Variants in CACNG3 observed in about 807,000 individuals in gnomAD.
CACNG3 encodes voltage-dependent calcium channel gamma-3 subunit.
Under a neutral mutation model 28.5 loss-of-function variants are expected in CACNG3, and 3 were observed. The observed-to-expected ratio is 0.11, with a 90% CI of 0.05 to 0.27. The LOEUF is 0.27. CACNG3 is among the 10% of genes least tolerant of loss of function. The probability of loss-of-function intolerance (pLI) is 1.00; values close to 1 mark genes in which losing one functional copy is unlikely to be tolerated. For missense variants in CACNG3, 236 were observed against 414.4 expected (o/e 0.57, Z 3.74); for synonymous variants, 174 against 162.2 (o/e 1.07, Z -0.55).
chr16:24,346,622 C>A, intron 1 of CACNG3, 112 bp from the exon 2 acceptor site: 1 of 724,902 alleles, frequency 1.4e-6, no homozygotes, highest in Non-Finnish European at 2.4e-6. Context: ...CCCAACAACC[C>A]TACAGCCCCC....
At chr16:24,348,095 T>G (rs1899893730) in intron 2 of CACNG3, among the ~76,000 whole-genome samples, 1 of 152,148 alleles carries the variant, frequency 6.6e-6, no homozygotes, top group South Asian at 2.1e-4. Context: ...GAATTTGTGT[T>G]GGATTCACTC....
chr16:24,311,678 A>C (rs1471496116), intron 1 of CACNG3, among the ~76,000 whole-genome samples: 1 of 151,928 alleles, frequency 6.6e-6, no homozygotes, highest in Non-Finnish European at 1.5e-5. Flanking sequence ...CAACCTGGTG[A>C]AACCCCATCT....
chr16:24,256,791 A>G lies in CACNG3; in HGVS notation c.37A>G (p.Thr13Ala). ...TGACAGAGGTATCCAGATGTTGATCACCACTGTAGGAGCCTTTGCCGCTTT... is the reference window on the plus strand; with the variant it reads ...TGACAGAGGTATCCAGATGTTGATCGCCACTGTAGGAGCCTTTGCCGCTTT... ...MCDRGIQMLITTVGAFAAFSL... is the reference protein window; with the variant it reads ...MCDRGIQMLIATVGAFAAFSL... Residue 13 changes from threonine (T) to alanine (A), a missense_variant, in exon 1 of 4, where the codon ACC (threonine) becomes GCC (alanine). Around this residue, in one of 2 missense-constraint regions of CACNG3, gnomAD observed 120 missense variants for 263.4 expected, o/e 0.46. Transcript: ENST00000005284. The surrounding 1 kb of genome is among the most constrained non-coding windows in gnomAD (Gnocchi z 4.6). 1 of 1,613,898 alleles carries G rather than the reference A, an allele frequency of 6.2e-7. No individual in the cohort carries two copies. The highest frequency in any genetic ancestry group is 8.5e-7 in the Non-Finnish European group (1 of 1,179,750).
chr16:24,276,133 G>A (rs748462599), intron 1 of CACNG3, among the ~76,000 whole-genome samples: 1 of 152,170 alleles, frequency 6.6e-6, no homozygotes, highest in East Asian at 1.9e-4. Flanking sequence ...CAGATCAAAT[G>A]CAAAAGCAGA....
chr16:24,346,702 C>T (rs751799107), intron 1 of CACNG3, 32 bp from the exon 2 acceptor site: 12 of 1,554,848 alleles, frequency 7.7e-6, no homozygotes, highest in Admixed American at 1.7e-5. Flanking sequence ...TGTCTCCTCC[C>T]CCAGGCTCAG....
rs577602342 is a variant in CACNG3 at position 24,275,689 on chromosome 16, T to C, written c.211+18724T>C. Among the ~76,000 whole-genome samples the C allele has an allele frequency of 2.6e-5, 4 of 152,366 alleles. No individual in the cohort carries two copies. The South Asian group carries it at 8.3e-4, about 32-fold the overall frequency. On this transcript the variant is annotated intron_variant, in intron 1 of 3. Transcript: ENST00000005284. Reference sequence around the variant, plus strand: ...CAAAGAAAGCAACTGACAGTATTTGTTGCCAAGGATAAAAATTCAAGGTTT... The same window carrying C: ...CAAAGAAAGCAACTGACAGTATTTGCTGCCAAGGATAAAAATTCAAGGTTT...
At chr16:24,324,246 T>G (rs1013573214) in intron 1 of CACNG3, among the ~76,000 whole-genome samples, 1 of 152,370 alleles carries the variant, frequency 6.6e-6, no homozygotes, top group South Asian at 2.1e-4. Flanking sequence ...GCATCTGCCT[T>G]GCTTGTATTT....
At chr16:24,283,080 A>T (rs1421850561) in intron 1 of CACNG3, among the ~76,000 whole-genome samples, 1 of 152,016 alleles carries the variant, frequency 6.6e-6, no homozygotes, top group Non-Finnish European at 1.5e-5. Flanking sequence ...GTGTTAGCCA[A>T]GATGGTCTCG....
chr16:24,306,888 T>G (rs945598316), intron 1 of CACNG3, among the ~76,000 whole-genome samples: 1 of 152,134 alleles, frequency 6.6e-6, no homozygotes, highest in African/African-American at 2.4e-5. Context: ...AGATCAAGAC[T>G]GGCCCCTTAG....
intron 1 of CACNG3, among the ~76,000 whole-genome samples, chr16:24,320,261 G>T (rs1899439145): frequency 6.6e-6 from 1 of 152,196 alleles, no homozygotes; most frequent in Admixed American, 6.5e-5. Flanking sequence ...AGGCATGAGG[G>T]TTCATTTACC....
At chr16:24,305,122 G>T (rs1419817698) in intron 1 of CACNG3, among the ~76,000 whole-genome samples, 1 of 152,058 alleles carries the variant, frequency 6.6e-6, no homozygotes, top group Admixed American at 6.6e-5. Context: ...TGGTGATGAA[G>T]TGTCAATATA....
At position 24,256,750 on chromosome 16, in the gene CACNG3, G is replaced by A. The variant is rs1898465088; in HGVS notation, c.-5G>A. ...CCCCAGCCGTCCAGAGTACCATGAA[G>A]AATTATGAGGATGTGTGACAGAGGT... On this transcript the variant is annotated 5_prime_UTR_variant, in exon 1 of 4. Transcript: ENST00000005284. The surrounding 1 kb of genome is among the most constrained non-coding windows in gnomAD (Gnocchi z 4.6). 6.2e-7 allele frequency: 1 copy of A among 1,604,268 alleles called. No homozygotes were observed. Among genetic ancestry groups the A allele is most frequent in the African/African-American group, 1.3e-5 (1 of 74,840 alleles).
chr16:24,288,427 T>C (rs553413546), intron 1 of CACNG3, among the ~76,000 whole-genome samples: 12 of 152,234 alleles, frequency 7.9e-5, no homozygotes, highest in Non-Finnish European at 1.6e-4. Flanking sequence ...ACCCAGGTTT[T>C]TCTCCTTCCT....
chr16:24,308,614 G>A (rs8055276), intron 1 of CACNG3, among the ~76,000 whole-genome samples: 2,933 of 151,998 alleles, frequency 0.019, 102 homozygotes, highest in African/African-American at 0.067. Context: ...CAGCACTTTG[G>A]GAGGCCAAGG....
At chr16:24,296,451 C>T (rs1177686735) in intron 1 of CACNG3, among the ~76,000 whole-genome samples, 1 of 152,176 alleles carries the variant, frequency 6.6e-6, no homozygotes, top group Non-Finnish European at 1.5e-5. Context: ...GAGATTAGAG[C>T]TGCAAAGAAG....
chr16:24,264,160 C>T (rs2141344420), intron 1 of CACNG3, among the ~76,000 whole-genome samples: 1 of 152,354 alleles, frequency 6.6e-6, no homozygotes, highest in Non-Finnish European at 1.5e-5. Context: ...GCCCATTAAC[C>T]AAGAAAACTC....
intron 1 of CACNG3, among the ~76,000 whole-genome samples, chr16:24,311,279 G>A (rs1001807926): frequency 2.0e-5 from 3 of 152,184 alleles, no homozygotes; most frequent in Non-Finnish European, 4.4e-5. Flanking sequence ...GGGAGGCCGA[G>A]GAGGGTGAAT....
At chr16:24,324,156 C>T (rs1899503702) in intron 1 of CACNG3, among the ~76,000 whole-genome samples, 1 of 152,120 alleles carries the variant, frequency 6.6e-6, no homozygotes, top group South Asian at 2.1e-4. Context: ...ACTGCCATCC[C>T]TGTGTATAAA....
chr16:24,340,936 T>C (rs1484952429), intron 1 of CACNG3, among the ~76,000 whole-genome samples: 1 of 152,192 alleles, frequency 6.6e-6, no homozygotes, highest in Non-Finnish European at 1.5e-5. Context: ...AGCTTCTACC[T>C]CTCTCTGCTC....
Sources: allele counts gnomAD v4.1 joint callset (sites outside exome capture counted in the v4.1 genomes callset), GRCh38; gene constraint gnomAD v4.1.1; regional missense constraint gnomAD v4.1.1; non-coding constraint Gnocchi (gnomAD v3.1); transcripts MANE v1.5; gene names NCBI Gene and HGNC (gene_info 2026-07-23, HGNC 2026-07-21).